CNTN3: variants seen among roughly 807,000 people sequenced by gnomAD.
CNTN3 encodes contactin 3.
CNTN3 carries 60 observed loss-of-function variants against 119.1 expected under a neutral mutation model. The observed-to-expected ratio is 0.50, with a 90% confidence interval of 0.41 to 0.62. CNTN3 has a LOEUF of 0.62. Among genes scored for constraint, CNTN3 ranks in the 20% least tolerant of loss-of-function variants. The pLI, the probability that CNTN3 is intolerant of heterozygous loss-of-function variation, is 0.00. For synonymous variants in CNTN3, 450 were observed against 438.7 expected (o/e 1.03, Z -0.32); for missense variants, 1,101 against 1,242.4 (o/e 0.89, Z 1.71).
Position 74,314,976 on chromosome 3 carries a change from C to T in CNTN3, c.1669-12169G>A, listed in dbSNP as rs566607327. On this transcript the variant is annotated intron_variant, in intron 13 of 22. Coordinates refer to ENST00000263665, the MANE Select transcript of CNTN3 (RefSeq NM_020872.3). ...TGAGACAGGAGGTTGACACAAGATA[C>T]GGGTCACAAAGATCCCATTGGTAAA... Among the ~76,000 whole-genome samples the T allele has an allele frequency of 1.3e-4, 20 of 152,246 alleles. No individual in the cohort carries two copies. In the East Asian group the frequency reaches 1.4e-3, roughly 10 times the overall value.
chr3:74,402,398 A>T (rs1705221139), intron 5 of CNTN3, among the ~76,000 whole-genome samples: 1 of 152,184 alleles, frequency 6.6e-6, no homozygotes, highest in African/African-American at 2.4e-5. Context: ...TCTTCCTTGG[A>T]ACTCATCAAT....
chr3:74,316,649 G>A (rs1702836534), intron 13 of CNTN3, among the ~76,000 whole-genome samples: 1 of 152,078 alleles, frequency 6.6e-6, no homozygotes. Flanking sequence ...GAAATACTCT[G>A]CAACCATGAA....
intron 1 of CNTN3, among the ~76,000 whole-genome samples, chr3:74,611,189 T>C (rs895120674): frequency 2.0e-5 from 3 of 152,184 alleles, no homozygotes; most frequent in Non-Finnish European, 2.9e-5. Flanking sequence ...CACTGAATTA[T>C]TTTATCCTAC....
At chr3:74,534,493 T>C (rs1194327663) in intron 1 of CNTN3, among the ~76,000 whole-genome samples, 1 of 152,092 alleles carries the variant, frequency 6.6e-6, no homozygotes. Context: ...CTTTCCATTT[T>C]ATGTTAAGCT....
chr3:74,320,497 A>G (rs551373292), intron 13 of CNTN3, among the ~76,000 whole-genome samples: 1 of 152,280 alleles, frequency 6.6e-6, no homozygotes, highest in Non-Finnish European at 1.5e-5. Flanking sequence ...GAAGGGGAAC[A>G]TCACACTCCA....
At chr3:74,328,028 T>C (rs1163730093) in intron 13 of CNTN3, among the ~76,000 whole-genome samples, 1 of 151,828 alleles carries the variant, frequency 6.6e-6, no homozygotes. Flanking sequence ...TCTTTCTCCT[T>C]CATGTACATA....
intron 5 of CNTN3, among the ~76,000 whole-genome samples, chr3:74,381,197 T>A (rs1704615434): frequency 6.6e-6 from 1 of 151,968 alleles, no homozygotes; most frequent in African/African-American, 2.4e-5. Context: ...AAAACCCTTA[T>A]CTTAAAAGGA....
intron 1 of CNTN3, among the ~76,000 whole-genome samples, chr3:74,587,870 G>A (rs150079360): frequency 0.025 from 3,874 of 152,260 alleles, 77 homozygotes; most frequent in South Asian, 0.04. Context: ...CCTGTCTTGT[G>A]CCAGTTTTCA....
At chr3:74,605,927 G>A (rs1184506634) in intron 1 of CNTN3, among the ~76,000 whole-genome samples, 1 of 152,102 alleles carries the variant, frequency 6.6e-6, no homozygotes, top group Non-Finnish European at 1.5e-5. Flanking sequence ...CCACCATCTT[G>A]CAAACAGTCT....
At chr3:74,483,229 T>G (rs1445091910) in intron 4 of CNTN3, among the ~76,000 whole-genome samples, 2 of 152,042 alleles carry the variant, frequency 1.3e-5, no homozygotes, top group South Asian at 2.1e-4. Flanking sequence ...GGGGGAAACC[T>G]AAGGTATTCA....
chr3:74,550,470 A>T (rs562769740), intron 1 of CNTN3, among the ~76,000 whole-genome samples: 4 of 152,198 alleles, frequency 2.6e-5, no homozygotes, highest in African/African-American at 9.6e-5. Flanking sequence ...GGCACCAAAT[A>T]CTCAGGTAAG....
intron 5 of CNTN3, among the ~76,000 whole-genome samples, chr3:74,397,714 T>A (rs1000903988): frequency 6.6e-6 from 1 of 152,324 alleles, no homozygotes; most frequent in East Asian, 1.9e-4. Flanking sequence ...ATTCCTCTGA[T>A]TGATCTGTGC....
At chr3:74,446,648 T>C (rs541386821) in intron 4 of CNTN3, among the ~76,000 whole-genome samples, 22 of 151,000 alleles carry the variant, frequency 1.5e-4, no homozygotes, top group African/African-American at 5.3e-4. Context: ...TAATACTGAG[T>C]TAAATAAAAT....
intron 1 of CNTN3, among the ~76,000 whole-genome samples, chr3:74,580,059 C>T (rs1029475326): frequency 4.6e-5 from 7 of 152,122 alleles, no homozygotes; most frequent in Non-Finnish European, 7.4e-5. Flanking sequence ...AGGGCAACAT[C>T]ACAACAGATG....
intron 1 of CNTN3, among the ~76,000 whole-genome samples, chr3:74,540,245 G>C (rs1703823708): frequency 6.6e-6 from 1 of 152,080 alleles, no homozygotes; most frequent in African/African-American, 2.4e-5. Context: ...AATAAAAGTA[G>C]TGGGGGCATG....
intron 8 of CNTN3, 73 bp downstream of exon 8, chr3:74,369,116 C>T (rs1009962436): frequency 5.8e-6 from 7 of 1,214,642 alleles, no homozygotes; most frequent in Non-Finnish European, 7.8e-6. Context: ...TCTCTCACCC[C>T]TAAATAACAA....
chr3:74,265,749 G>A (rs536441784), intron 22 of CNTN3, among the ~76,000 whole-genome samples: 1 of 152,112 alleles, frequency 6.6e-6, no homozygotes, highest in Admixed American at 6.6e-5. Flanking sequence ...CATGCTAAAT[G>A]AATGGAAACA....
At chr3:74,449,535 G>C (rs574293038) in intron 4 of CNTN3, among the ~76,000 whole-genome samples, 41 of 152,184 alleles carry the variant, frequency 2.7e-4, no homozygotes, top group African/African-American at 9.4e-4. Context: ...TCTGTAGTTA[G>C]GGAAGGGGTT....
At chr3:74,498,480 C>T (rs1703103897) in intron 3 of CNTN3, among the ~76,000 whole-genome samples, 1 of 151,722 alleles carries the variant, frequency 6.6e-6, no homozygotes, top group Non-Finnish European at 1.5e-5. Flanking sequence ...AATCAGTAAC[C>T]TGGAATTATA....
Sources: allele counts gnomAD v4.1 joint callset (sites outside exome capture counted in the v4.1 genomes callset), GRCh38; gene constraint gnomAD v4.1.1; transcripts MANE v1.5; gene names NCBI Gene and HGNC (gene_info 2026-07-23, HGNC 2026-07-21).